SPC25: variants seen among roughly 807,000 people sequenced by gnomAD.
The protein encoded by SPC25 is SPC25 component of NDC80 kinetochore complex.
In SPC25, 22 loss-of-function variants were observed where a neutral mutation model predicts 29.6. The observed-to-expected ratio is 0.74, with a 90% CI of 0.53 to 1.06. The LOEUF (loss-of-function observed/expected upper bound fraction) is 1.06, where lower values mean the gene tolerates loss of function less well. Ranked by LOEUF, SPC25 falls within the 50% of genes least tolerant of loss-of-function variation. SPC25 has a pLI of 0.00. For synonymous variants in SPC25, 91 were observed against 90.4 expected (o/e 1.01, Z -0.04); for missense variants, 230 against 255.8 (o/e 0.90, Z 0.69).
chr2:168,864,889 G>A, intron 4 of SPC25: 1 of 1,613,926 alleles, frequency 6.2e-7, no homozygotes, highest in Non-Finnish European at 8.5e-7. Flanking sequence ...TTGGATCTTT[G>A]AATGGGAAAA....
intron 3 of SPC25, among the ~76,000 whole-genome samples, chr2:168,883,150 G>A (rs187500097): frequency 2.0e-5 from 3 of 151,788 alleles, no homozygotes; most frequent in East Asian, 1.9e-4. Flanking sequence ...TTAAAATATG[G>A]TATATCGATA....
intron 4 of SPC25, chr2:168,863,519 A>G (rs1334439824): frequency 1.0e-6 from 1 of 985,274 alleles, no homozygotes; most frequent in Non-Finnish European, 1.2e-6. Flanking sequence ...GACAAGAGCC[A>G]TGTTTCTTGT....
chr2:168,874,947 A>C (rs975815494), intron 5 of SPC25, among the ~76,000 whole-genome samples: 22 of 152,162 alleles, frequency 1.4e-4, no homozygotes, highest in African/African-American at 5.3e-4. Flanking sequence ...CTATATGCTA[A>C]TTCCTTCTAG....
chr2:168,878,921 T>C (rs1690130941), intron 3 of SPC25, among the ~76,000 whole-genome samples: 1 of 152,246 alleles, frequency 6.6e-6, no homozygotes, highest in Non-Finnish European at 1.5e-5. Context: ...CACACAAATG[T>C]TTTGGTTTCC....
chr2:168,890,129 C>T (rs570842198), intron 1 of SPC25, among the ~76,000 whole-genome samples, 189 bp downstream of exon 1: 4 of 152,300 alleles, frequency 2.6e-5, no homozygotes, highest in Admixed American at 2.6e-4. Flanking sequence ...CCAAAGATAC[C>T]TCCTGCAGTG....
At chr2:168,886,234 T>C (rs1447524294) in intron 3 of SPC25, among the ~76,000 whole-genome samples, 3 of 151,926 alleles carry the variant, frequency 2.0e-5, no homozygotes, top group Admixed American at 1.3e-4. Flanking sequence ...TTCCTTAATT[T>C]TTATTGAGAC....
chr2:168,871,368 AG>A lies in SPC25; in HGVS notation c.*62del, dbSNP rs1689979957. ...TTAAAGTATAATAATAATAAAAACA[AG>A]AAAAAAAGAGATATGTAATAGAGAA... is the stretch of plus-strand genomic sequence containing the variant. On this transcript the variant is annotated 3_prime_UTR_variant, in exon 7 of 7. Transcript: ENST00000282074. The A allele has an allele frequency of 9.3e-7, 1 of 1,071,386 alleles. No homozygotes were observed. Among genetic ancestry groups the A allele is most frequent in the African/African-American group, 3.8e-5 (1 of 26,180 alleles). 66.4% of individuals were successfully genotyped at this position (1,071,386 alleles called of 1,614,324 possible).
chr2:168,889,259 G>T lies in SPC25; in HGVS notation c.166C>A (p.Arg56=). 6.2e-7 allele frequency: 1 copy of T among 1,613,118 alleles called. No homozygotes were observed. Among genetic ancestry groups the T allele is most frequent in the Non-Finnish European group, 8.5e-7 (1 of 1,179,786 alleles). ...TATTCCAGAAACATCTCAACCATTC[G>T]TTCTTCTTCCTTTAATTTCACAGAC... is the stretch of plus-strand genomic sequence containing the variant. ...KLSVKLKEEE[R]MVEMFLEYQN... is the part of the protein sequence containing the mutation. Residue 56 remains arginine (R), a synonymous_variant, in exon 3 of 7, where the codon CGA becomes AGA. Coordinates refer to ENST00000282074, the MANE Select transcript of SPC25 (RefSeq NM_020675.4).
At chr2:168,877,014 A>G (rs768733597) in intron 4 of SPC25, among the ~76,000 whole-genome samples, 4 of 152,160 alleles carry the variant, frequency 2.6e-5, no homozygotes, top group Non-Finnish European at 5.9e-5. Context: ...ATTATTACTG[A>G]TTATATTAAA....
chr2:168,862,422 A>G (rs930866444), intron 4 of SPC25, among the ~76,000 whole-genome samples: 1 of 152,234 alleles, frequency 6.6e-6, no homozygotes, highest in Non-Finnish European at 1.5e-5. Flanking sequence ...CATGCTCCTA[A>G]TCACAGTGCA....
chr2:168,865,381 G>GCA (rs1559149526), intron 4 of SPC25: 1 of 160,940 alleles, frequency 6.2e-6, no homozygotes, highest in African/African-American at 2.4e-5. Flanking sequence ...AGGCCTATGA[G>GCA]GGGGTCAAGC....
chr2:168,885,726 T>C (rs1690249386), intron 3 of SPC25, among the ~76,000 whole-genome samples: 1 of 152,226 alleles, frequency 6.6e-6, no homozygotes, highest in Non-Finnish European at 1.5e-5. Context: ...CCCTCCTTTA[T>C]GTGATTTTCT....
intron 4 of SPC25, chr2:168,864,978 C>T (rs1689772178): frequency 1.2e-6 from 2 of 1,613,754 alleles, no homozygotes; most frequent in African/African-American, 1.3e-5. Context: ...TAAAACAAGA[C>T]TCTGAACATA....
At position 168,876,162 on chromosome 2, in the gene SPC25, T is replaced by C; in HGVS notation, c.361A>G (p.Asn121Asp). ...TTCAACCTCTCTGCATTCGCTTTAT[T>C]AGCAGTAGAAATAGCTGATTAAAAA... The part of the protein sequence containing the change: ...SRKKETISTA[N>D]KANAERLKRL... Residue 121 changes from asparagine to aspartate, a missense_variant, in exon 5 of 7, where the codon AAT (asparagine) becomes GAT (aspartate). Transcript: ENST00000282074. 1 of 1,564,438 alleles carries C rather than the reference T, an allele frequency of 6.4e-7. No homozygotes were observed.
At chr2:168,862,270 C>T (rs1464012250) in intron 4 of SPC25, among the ~76,000 whole-genome samples, 1 of 152,148 alleles carries the variant, frequency 6.6e-6, no homozygotes, top group East Asian at 1.9e-4. Context: ...GCCTATTGTC[C>T]AATTTAATAT....
chr2:168,865,235 A>C, intron 4 of SPC25: 1 of 354,140 alleles, frequency 2.8e-6, no homozygotes, highest in Non-Finnish European at 5.1e-6. Flanking sequence ...ATCCAGTATA[A>C]CCCCTGGTGT....
downstream of SPC25, among the ~76,000 whole-genome samples, chr2:168,866,373 G>C (rs1444088661): frequency 6.6e-6 from 1 of 152,276 alleles, no homozygotes; most frequent in East Asian, 1.9e-4. Flanking sequence ...ACAAGCAATG[G>C]GGAAAGGATT....
Position 168,871,618 on chromosome 2 carries a change from A to G in SPC25, c.551-63T>C, listed in dbSNP as rs560987897. On this transcript the variant is annotated intron_variant, in intron 6 of 6. Coordinates refer to ENST00000282074, the MANE Select transcript of SPC25 (RefSeq NM_020675.4). ...ATGAGTTTTTTTATGGCACAGAAGT[A>G]TTTCTAATCTAGATGCTCTCATCTG... 4.2e-6 allele frequency: 6 copies of G among 1,426,320 alleles called. No individual in the cohort carries two copies. In the East Asian group the frequency reaches 1.2e-4, roughly 29 times the overall value. 88.4% of individuals were successfully genotyped at this position (1,426,320 alleles called of 1,614,324 possible).
chr2:168,864,523 G>A (rs1689730330), intron 4 of SPC25, among the ~76,000 whole-genome samples: 1 of 151,934 alleles, frequency 6.6e-6, no homozygotes, highest in Admixed American at 6.6e-5. Context: ...CTGACCTTGT[G>A]ATCCACCCAC....
Sources: gnomAD v4.1 joint callset for allele counts (sites outside exome capture counted in the v4.1 genomes callset) on GRCh38, gnomAD v4.1.1 for gene constraint, MANE v1.5 for transcripts, NCBI Gene and HGNC (gene_info 2026-07-23, HGNC 2026-07-21) for gene names.